SYNE1: variants seen among roughly 807,000 people sequenced by gnomAD.
SYNE1 encodes the protein spectrin repeat containing nuclear envelope protein 1.
SYNE1 carries 616 observed loss-of-function variants against 1,111.0 expected under a neutral mutation model. That is an observed-to-expected ratio of 0.55 (90% confidence interval 0.52 to 0.59). The LOEUF (loss-of-function observed/expected upper bound fraction) is 0.59. SYNE1 is among the 20% of genes least tolerant of loss of function. The pLI is 0.00. For synonymous variants in SYNE1, 3,855 were observed against 3,825.8 expected, an observed-to-expected ratio of 1.01 and a Z score of -0.28; for missense variants, 10,006 against 10,417.0, an observed-to-expected ratio of 0.96 and a Z score of 1.72.
intron 110 of SYNE1, among the ~76,000 whole-genome samples, chr6:152,235,496 G>C (rs903761171): frequency 5.9e-5 from 9 of 152,012 alleles, no homozygotes; most frequent in Non-Finnish European, 1.5e-5. Context: ...TGAGCAGCTG[G>C]GATTACAGGC....
At chr6:152,415,917 T>C (rs2098145845) in intron 41 of SYNE1, among the ~76,000 whole-genome samples, 2 of 151,492 alleles carry the variant, frequency 1.3e-5, no homozygotes, top group South Asian at 4.2e-4. Flanking sequence ...GTTAAGGACA[T>C]GCCCGGAAGA....
Position 152,156,081 on chromosome 6 carries a change from A to T in SYNE1, c.23807T>A (p.Ile7936Lys), listed in dbSNP as rs1168939570. ...TGCAACACCTGTACTGTGCTTCTCT[A>T]TGTCTCTCTGAAGCTCCTGCAGGGG... ...LNEQQELQRD[I>K]EKHSTGVASV... The change falls in exon 132 of 146, where the codon ATA becomes AAA. Residue 7936 changes from isoleucine to lysine, a missense_variant. Coordinates refer to ENST00000367255, the MANE Select transcript of SYNE1 (RefSeq NM_182961.4). 1 of 1,614,148 alleles carries T rather than the reference A, an allele frequency of 6.2e-7. No individual in the cohort carries two copies. The highest frequency in any genetic ancestry group is 8.5e-7 in the Non-Finnish European group (1 of 1,180,016).
chr6:152,348,033 A>G (rs2096669628), intron 72 of SYNE1, among the ~76,000 whole-genome samples: 1 of 152,136 alleles, frequency 6.6e-6, no homozygotes. Flanking sequence ...CTTTTGCACG[A>G]ATATAATAAT....
chr6:152,470,288 G>C (rs932543776), intron 16 of SYNE1, among the ~76,000 whole-genome samples: 1 of 152,144 alleles, frequency 6.6e-6, no homozygotes, highest in Non-Finnish European at 1.5e-5. Context: ...GTTTAAATCT[G>C]ATTGGCTGTT....
intron 3 of SYNE1, among the ~76,000 whole-genome samples, chr6:152,597,086 T>C (rs1048236047): frequency 3.3e-5 from 5 of 152,226 alleles, no homozygotes; most frequent in African/African-American, 7.2e-5. Flanking sequence ...TAAATTGATA[T>C]GAAGTGGTAG....
chr6:152,369,420 G>A, intron 60 of SYNE1, 51 bp downstream of exon 60: 1 of 1,613,456 alleles, frequency 6.2e-7, no homozygotes, highest in Non-Finnish European at 8.5e-7. Flanking sequence ...GGTCGACAGA[G>A]GACGGACAAA....
At chr6:152,162,570 A>G (rs2062745090) in intron 131 of SYNE1, among the ~76,000 whole-genome samples, 1 of 152,236 alleles carries the variant, frequency 6.6e-6, no homozygotes, top group Non-Finnish European at 1.5e-5. Flanking sequence ...AGAATCTGGG[A>G]AGCCGGATGC....
In SYNE1 at chr6:152,366,505, A is replaced by T. The variant is rs1015508831; in HGVS notation, c.9972+713T>A. 4.0e-5 allele frequency among the ~76,000 whole-genome samples: 6 copies of T among 149,308 alleles called. No individual in the cohort carries two copies. The East Asian group carries it at 7.8e-4, about 19-fold the overall frequency. ...GGCAAGACTCTGTCTTAATTTTATTAAAAAAAAAAATTTAAACCCCACACA... is the reference window on the plus strand; with the variant it reads ...GGCAAGACTCTGTCTTAATTTTATTTAAAAAAAAAATTTAAACCCCACACA... On this transcript the variant is annotated intron_variant, in intron 62 of 145. Transcript: ENST00000367255.
chr6:152,251,924 G>C (rs947314048), intron 104 of SYNE1, among the ~76,000 whole-genome samples: 1 of 152,012 alleles, frequency 6.6e-6, no homozygotes, highest in African/African-American at 2.4e-5. Flanking sequence ...AGGGCAAAAA[G>C]GAGCAGGATT....
At position 152,625,930 on chromosome 6, in the gene SYNE1, C is replaced by T. The variant is rs146464419; in HGVS notation, c.67+2335G>A. 8.3e-4 allele frequency among the ~76,000 whole-genome samples: 126 copies of T among 152,240 alleles called. No homozygotes were observed. In the Middle Eastern group the frequency reaches 0.014, roughly 16 times the overall value. ...AGCTTCACAACAGTTCTGAGAGGGG[C>T]TAAGCAGATGGGAGCAATCCACATT... On this transcript the variant is annotated intron_variant, in intron 3 of 145. Coordinates refer to ENST00000367255, the MANE Select transcript of SYNE1 (RefSeq NM_182961.4).
In SYNE1 at chr6:152,169,627, CAA is replaced by C. The variant is rs58087660; in HGVS notation, c.23628-5304_23628-5303del. Reference sequence around the variant, plus strand: ...TGGGTTACAAAGTGACACCTCATCTCAAAAAAAAAAAAAAAAAAAAATCAAAA... The same window carrying C: ...TGGGTTACAAAGTGACACCTCATCTCAAAAAAAAAAAAAAAAAAATCAAAA... On this transcript the variant is annotated intron_variant, in intron 130 of 145. Coordinates refer to ENST00000367255, the MANE Select transcript of SYNE1 (RefSeq NM_182961.4). Among the ~76,000 whole-genome samples the C allele has an allele frequency of 6.9e-3, 493 of 71,420 alleles. 3 individuals carry two copies. Among genetic ancestry groups the C allele is most frequent in the African/African-American group, 0.024 (424 of 17,878 alleles). 46.9% of individuals were successfully genotyped at this position (71,420 alleles called of 152,430 possible). A position where few individuals can be genotyped will look rare whatever the true frequency, so the allele number is the denominator to read the frequency against.
chr6:152,605,037 G>A (rs2475785), intron 3 of SYNE1, among the ~76,000 whole-genome samples: 198 of 32,214 alleles, frequency 6.1e-3, no homozygotes, highest in South Asian at 9.7e-3. Context: ...AGAGAGAGAG[G>A]GAGGGAGGGA....
intron 87 of SYNE1, among the ~76,000 whole-genome samples, chr6:152,313,311 T>C (rs928302032): frequency 2.0e-5 from 3 of 152,178 alleles, no homozygotes; most frequent in African/African-American, 7.2e-5. Flanking sequence ...TCAACCTGTC[T>C]AACCATAATT....
At chr6:152,256,490 T>A in intron 102 of SYNE1, 144 bp downstream of exon 102, 2 of 879,002 alleles carry the variant, frequency 2.3e-6, no homozygotes, top group Admixed American at 4.2e-5. Flanking sequence ...CAGGGTCCAG[T>A]GATCTTTGTT....
chr6:152,352,135 T>C lies in SYNE1; in HGVS notation c.11472A>G (p.Lys3824=). The part of the protein sequence containing the change: ...GLHLAKEFSD[K]CKALTQWIAE... ...CTATCCACTGTGTCAGTGCTTTGCA[T>C]TTATCTGAGAATTCCTTTGCTAAAT... The change falls in exon 70 of 146, where the codon AAA becomes AAG. Residue 3824 remains lysine (K), a synonymous_variant. Coordinates refer to ENST00000367255, the MANE Select transcript of SYNE1 (RefSeq NM_182961.4). 2 of 1,614,234 alleles carry C rather than the reference T, an allele frequency of 1.2e-6. No homozygotes were observed. The highest frequency in any genetic ancestry group is 1.7e-6 in the Non-Finnish European group (2 of 1,180,048).
At chr6:152,465,113 A>G (rs1593252507) in intron 18 of SYNE1, 145 bp downstream of exon 18, 1 of 840,646 alleles carries the variant, frequency 1.2e-6, no homozygotes, top group Non-Finnish European at 1.9e-6. Context: ...TCTGTTGCTA[A>G]CCTGAAAGTG....
chr6:152,630,872 G>C (rs1020084009), intron 2 of SYNE1, among the ~76,000 whole-genome samples: 1 of 152,104 alleles, frequency 6.6e-6, no homozygotes, highest in Non-Finnish European at 1.5e-5. Flanking sequence ...CACATAGCTT[G>C]GTAGATTAAT....
chr6:152,539,984 T>C lies in SYNE1; in HGVS notation c.105A>G (p.Lys35=). 1 of 1,613,958 alleles carries C rather than the reference T, an allele frequency of 6.2e-7. No homozygotes were observed. The highest frequency in any genetic ancestry group is 8.5e-7 in the Non-Finnish European group (1 of 1,179,910). Reference sequence around the variant, plus strand: ...CCTTGGCCAGATGAGAGTTGATCCATTTTGTGAAAGTTCGTTTTTGTACTA... The same window carrying C: ...CCTTGGCCAGATGAGAGTTGATCCACTTTGTGAAAGTTCGTTTTTGTACTA... The part of the protein sequence containing the change: ...QEIVQKRTFT[K]WINSHLAKRK... Residue 35 remains lysine (K), a synonymous_variant, in exon 4 of 146, where the codon AAA becomes AAG. Coordinates refer to ENST00000367255, the MANE Select transcript of SYNE1 (RefSeq NM_182961.4).
chr6:152,140,043 C>T lies in SYNE1; in HGVS notation c.25365G>A (p.Trp8455Ter). Residue 8455 changes from tryptophan (W) to a stop codon, truncating the protein, a stop_gained, in exon 140 of 146, where the codon TGG becomes TGA. Coordinates refer to ENST00000367255, the MANE Select transcript of SYNE1 (RefSeq NM_182961.4). LOFTEE classifies it high-confidence loss of function. Reference sequence around the variant, plus strand: ...CCAACTCCTCCTCCGTGTCCCCCAGCCAGGCCCAGATGCTGTTCAAGTCTG... The same window carrying T: ...CCAACTCCTCCTCCGTGTCCCCCAGTCAGGCCCAGATGCTGTTCAAGTCTG... Reference protein sequence around the residue: ...FNSDLNSIWAWLGDTEEELEQ... With the variant: ...FNSDLNSIWA 3.1e-6 allele frequency: 5 copies of T among 1,614,200 alleles called. No individual in the cohort carries two copies. Among genetic ancestry groups the T allele is most frequent in the Non-Finnish European group, 4.2e-6 (5 of 1,180,042 alleles).
Sources: allele counts gnomAD v4.1 joint callset (sites outside exome capture counted in the v4.1 genomes callset), GRCh38; gene constraint gnomAD v4.1.1; transcripts MANE v1.5; gene names NCBI Gene and HGNC (gene_info 2026-07-23, HGNC 2026-07-21).